Variants in L1TD1 observed in about 807,000 individuals in gnomAD.
The protein encoded by L1TD1 is LINE-1 type transposase domain-containing protein 1.
Under a neutral mutation model 25.7 loss-of-function variants are expected in L1TD1, and 26 were observed. The ratio of observed to expected loss-of-function variants is 1.01; its 90% CI spans 0.74 to 1.40. L1TD1 has a LOEUF of 1.40. L1TD1 is among the 40% of genes most tolerant of loss of function. The probability of loss-of-function intolerance (pLI) is 0.00; values close to 1 mark genes in which losing one functional copy is unlikely to be tolerated. For synonymous variants in L1TD1, 421 were observed against 335.6 expected (o/e 1.25, Z -2.78); for missense variants, 1,130 against 975.0 (o/e 1.16, Z -2.12).
chr1:62,210,350 C>T lies in L1TD1; in HGVS notation c.1576C>T (p.His526Tyr), dbSNP rs768701101. The T allele has an allele frequency of 6.2e-7, 1 of 1,613,864 alleles. No individual in the cohort carries two copies. The highest frequency in any genetic ancestry group is 1.7e-5 in the Admixed American group (1 of 59,960). Residue 526 changes from histidine (H) to tyrosine (Y), a missense_variant, in exon 4 of 4, where the codon CAC becomes TAC. Physicochemically the swap from His to Tyr is moderately conservative, Grantham distance 83. Transcript: ENST00000498273. The stretch of plus-strand genomic sequence containing the variant: ...CTCTGGGAAGAAAAAGTTGGTGAAA[C>T]ACCAGGTGGTGCACAAAACCCAGGA... ...GDSGKKKLVKHQVVHKTQEEE... is the reference protein window; with the variant it reads ...GDSGKKKLVKYQVVHKTQEEE...
rs1261800598 is a variant in L1TD1 at position 62,211,686 on chromosome 1, C to T, written c.*314C>T. 3 of 213,252 alleles carry T rather than the reference C, an allele frequency of 1.4e-5. No individual in the cohort carries two copies. The highest frequency in any genetic ancestry group is 2.8e-5 in the Non-Finnish European group (3 of 108,564). The allele number at this position is 213,252 out of a possible 1,614,324, so 13.2% of individuals were successfully genotyped here. A position where few individuals can be genotyped will look rare whatever the true frequency, so the allele number is the denominator to read the frequency against. On this transcript the variant is annotated 3_prime_UTR_variant, in exon 4 of 4. Transcript: ENST00000498273. ...TCTTTTTAGAATTTATATTATCTGG[C>T]TGGGCACGGTGGCTCACACCTGTAA...
chr1:62,204,580 A>AT (rs1471738843), intron 2 of L1TD1, among the ~76,000 whole-genome samples: 2 of 152,152 alleles, frequency 1.3e-5, no homozygotes, highest in East Asian at 3.9e-4. Flanking sequence ...TTCTGAAATT[A>AT]TTTTTTAGAA....
At chr1:62,202,249 G>A (rs537654283) in intron 2 of L1TD1, among the ~76,000 whole-genome samples, 49 of 151,462 alleles carry the variant, frequency 3.2e-4, no homozygotes, top group Middle Eastern at 3.4e-3. Flanking sequence ...GCGGTGAGCC[G>A]AGATCATGCC....
intron 2 of L1TD1, among the ~76,000 whole-genome samples, chr1:62,204,654 T>C (rs1455705176): frequency 6.6e-6 from 1 of 152,186 alleles, no homozygotes; most frequent in East Asian, 1.9e-4. Flanking sequence ...TCATTCCACC[T>C]TAACCTCCCA....
rs903723753 is a variant in L1TD1, at chr1:62,207,742, C to T, written c.1008+106C>T. The T allele has an allele frequency of 1.7e-5, 23 of 1,333,458 alleles. No individual in the cohort carries two copies. In the Admixed American group the frequency reaches 1.8e-4, roughly 10 times the overall value. The allele number at this position is 1,333,458 out of a possible 1,614,324, so 82.6% of individuals were successfully genotyped here. ...TTTTTTTTTTCTTGAGATGGAGTTT[C>T]GCTCTTGTCGGCCAGGTGGGAGTGC... On this transcript the variant is annotated intron_variant, in intron 3 of 3. Transcript: ENST00000498273.
At chr1:62,201,553 T>C (rs1310416605) in intron 2 of L1TD1, among the ~76,000 whole-genome samples, 1 of 150,966 alleles carries the variant, frequency 6.6e-6, no homozygotes, top group African/African-American at 2.4e-5. Flanking sequence ...ACTCATCACC[T>C]AGATTCAAAA....
At chr1:62,199,675 C>T (rs1471585713) in intron 2 of L1TD1, among the ~76,000 whole-genome samples, 1 of 141,412 alleles carries the variant, frequency 7.1e-6, no homozygotes, top group Non-Finnish European at 1.5e-5. Context: ...AAGACCCTGT[C>T]TCTTTTAAAA....
Position 62,210,526 on chromosome 1 carries a change from C to T in L1TD1, c.1752C>T (p.Thr584=), listed in dbSNP as rs1315794734. The change falls in exon 4 of 4, where the codon ACC becomes ACT. Residue 584 remains threonine, a synonymous_variant. Transcript: ENST00000498273. The part of the protein sequence containing the change: ...HTNLSISTGV[T]KLKKTEEKKH... Reference sequence around the variant, plus strand: ...ATTTGAGTATTTCAACAGGAGTCACCAAACTTAAGAAAACAGAAGAAAAGA... The same window carrying T: ...ATTTGAGTATTTCAACAGGAGTCACTAAACTTAAGAAAACAGAAGAAAAGA... The T allele has an allele frequency of 6.2e-7, 1 of 1,612,912 alleles. No individual in the cohort carries two copies. The highest frequency in any genetic ancestry group is 2.2e-5 in the East Asian group (1 of 44,882).
rs1403674570 is a variant in L1TD1, at chr1:62,210,902, A to G, written c.2128A>G (p.Lys710Glu). 1.9e-6 allele frequency: 3 copies of G among 1,551,436 alleles called. No homozygotes were observed. Among genetic ancestry groups the G allele is most frequent in the Non-Finnish European group, 2.6e-6 (3 of 1,146,924 alleles). ...CATTCGTTTGATAGGAATTCCAGAA[A>G]AGGAGAGTTATGAGAATAGGGCAGA... ...CNIRLIGIPE[K>E]ESYENRAEDI... Residue 710 changes from lysine (K) to glutamate (E), a missense_variant, in exon 4 of 4, where the codon AAG becomes GAG. Coordinates refer to ENST00000498273, the MANE Select transcript of L1TD1 (RefSeq NM_019079.5).
At chr1:62,206,117 A>C (rs1395632467) in intron 2 of L1TD1, among the ~76,000 whole-genome samples, 1 of 152,184 alleles carries the variant, frequency 6.6e-6, no homozygotes, top group South Asian at 2.1e-4. Context: ...AGGGACAACT[A>C]TTTCTCAATT....
At chr1:62,198,386 G>C (rs1297694745) in intron 2 of L1TD1, among the ~76,000 whole-genome samples, 1 of 151,308 alleles carries the variant, frequency 6.6e-6, no homozygotes, top group Non-Finnish European at 1.5e-5. Flanking sequence ...ACCAAACTTT[G>C]GGTGGCCTCA....
rs113922359 is a variant in L1TD1, at chr1:62,211,897, G to A, written c.*525G>A. On this transcript the variant is annotated 3_prime_UTR_variant, in exon 4 of 4. Coordinates refer to ENST00000498273, the MANE Select transcript of L1TD1 (RefSeq NM_019079.5). ...GGAGAATGGCGTGAACCCAGGAGGC[G>A]GAGCTTGCAGTGAGCCGAGATCACA... 0.023 allele frequency: 3,486 copies of A among 151,772 alleles called. 68 individuals are homozygous for A. Among genetic ancestry groups the A allele is most frequent in the South Asian group, 0.051 (242 of 4,776 alleles). The allele number at this position is 151,772 out of a possible 1,614,324, so 9.4% of individuals were successfully genotyped here. A position where few individuals can be genotyped will look rare whatever the true frequency, so the allele number is the denominator to read the frequency against.
intron 2 of L1TD1, among the ~76,000 whole-genome samples, chr1:62,199,167 ATATT>A (rs138977794): frequency 0.014 from 2,060 of 152,244 alleles, 20 homozygotes; most frequent in Middle Eastern, 0.027. Flanking sequence ...AAGGTCACAT[ATATT>A]TATTGTCATT....
intron 2 of L1TD1, among the ~76,000 whole-genome samples, chr1:62,202,669 ATTTTTTTTT>A (rs35815437): frequency 1.4e-5 from 1 of 71,868 alleles, no homozygotes; most frequent in Non-Finnish European, 2.5e-5. Flanking sequence ...CCAGGGTTTA[ATTTTTTTTT>A]TTTTTTTTTT....
In L1TD1 at chr1:62,205,086, T is replaced by C. The variant is rs1046036489; in HGVS notation, c.-110-1433T>C. On this transcript the variant is annotated intron_variant, in intron 2 of 3. Transcript: ENST00000498273. ...AATATTCTTGGCTGGGTGCAGTGGC[T>C]CAAGCCTGTAATTCCAGCACTTTGG... Among the ~76,000 whole-genome samples the C allele has an allele frequency of 7.2e-5, 11 of 152,136 alleles. No individual in the cohort carries two copies. The East Asian group carries it at 2.1e-3, about 30-fold the overall frequency.
chr1:62,207,324 A>C lies in L1TD1; in HGVS notation c.696A>C (p.Glu232Asp), dbSNP rs1670769543. The C allele has an allele frequency of 6.4e-7, 1 of 1,551,220 alleles. No individual in the cohort carries two copies. Among genetic ancestry groups the C allele is most frequent in the South Asian group, 1.2e-5 (1 of 83,984 alleles). Residue 232 changes from glutamate (E) to aspartate (D), a missense_variant, in exon 3 of 4, where the codon GAA becomes GAC. Physicochemically the swap from Glu to Asp is conservative, Grantham distance 45 (BLOSUM62 2). Transcript: ENST00000498273. ...NKEEVLKASR[E>D]EKVLMDEGAV... is the part of the protein sequence containing the mutation. ...AGGAGGTTTTAAAAGCCTCCAGAGAAGAAAAAGTGTTGATGGATGAAGGAG... is the reference window on the plus strand; with the variant it reads ...AGGAGGTTTTAAAAGCCTCCAGAGACGAAAAAGTGTTGATGGATGAAGGAG...
In L1TD1 at chr1:62,211,100, G is replaced by C; in HGVS notation, c.2326G>C (p.Ala776Pro). ...NSSDKEKIIR[A>P]SRERREITYQ... is the part of the protein sequence containing the mutation. ...TAGTGATAAAGAGAAAATAATAAGG[G>C]CTTCTAGAGAGAGAAGAGAAATTAC... Residue 776 changes from alanine to proline, a missense_variant, in exon 4 of 4, where the codon GCT (alanine) becomes CCT (proline). Physicochemically the swap from Ala to Pro is conservative, Grantham distance 27. Coordinates refer to ENST00000498273, the MANE Select transcript of L1TD1 (RefSeq NM_019079.5). 7 of 1,550,238 alleles carry C rather than the reference G, an allele frequency of 4.5e-6. No individual in the cohort carries two copies. The highest frequency in any genetic ancestry group is 6.1e-6 in the Non-Finnish European group (7 of 1,146,684).
intron 2 of L1TD1, among the ~76,000 whole-genome samples, chr1:62,197,397 TTATATATATATATATATATATATATA>T (rs10528649): frequency 6.2e-5 from 5 of 80,858 alleles, no homozygotes; most frequent in Non-Finnish European, 1.3e-4. Flanking sequence ...AAAAAATAAA[TTATATATATATATATATATATATATA>T]TATATATATA....
rs1301478287 is a variant in L1TD1 at position 62,212,005 on chromosome 1, T to G, written c.*633T>G. ...GTGCTAGCTTGTCTAAGAATAAACT[T>G]CTATACTGTTGGGGGAGGGCTGCAC... On this transcript the variant is annotated 3_prime_UTR_variant, in exon 4 of 4. Transcript: ENST00000498273. The G allele has an allele frequency of 6.6e-6, 1 of 152,128 alleles. No individual in the cohort carries two copies. The highest frequency in any genetic ancestry group is 1.5e-5 in the Non-Finnish European group (1 of 68,100). 9.4% of individuals were successfully genotyped at this position (152,128 alleles called of 1,614,324 possible). A position where few individuals can be genotyped will look rare whatever the true frequency, so the allele number is the denominator to read the frequency against.
Sources: gnomAD v4.1 joint callset for allele counts (sites outside exome capture counted in the v4.1 genomes callset) on GRCh38, gnomAD v4.1.1 for gene constraint, MANE v1.5 for transcripts, NCBI Gene and HGNC (gene_info 2026-07-23, HGNC 2026-07-21) for gene names.